The following AKAP13 variants were observed in gnomAD, a reference collection of about 807,000 sequenced individuals.
The protein encoded by AKAP13 is A-kinase anchoring protein 13.
A neutral mutation model predicts 264.5 loss-of-function variants in AKAP13; 80 were observed. The observed-to-expected ratio is 0.30, with a 90% CI of 0.25 to 0.36. The LOEUF (loss-of-function observed/expected upper bound fraction) is 0.36, where lower values mean the gene tolerates loss of function less well. AKAP13 is among the 10% of genes least tolerant of loss of function. The probability of loss-of-function intolerance (pLI) is 1.00; values close to 1 mark genes in which losing one functional copy is unlikely to be tolerated. For synonymous variants in AKAP13, 1,380 were observed against 1,250.2 expected, an observed-to-expected ratio of 1.10 and a Z score of -2.19; for missense variants, 3,712 against 3,435.2, an observed-to-expected ratio of 1.08 and a Z score of -2.01.
intron 14 of AKAP13, 117 bp from the exon 15 acceptor site, chr15:85,682,041 T>C: frequency 1.1e-6 from 1 of 899,486 alleles, no homozygotes; most frequent in Non-Finnish European, 1.8e-6. Flanking sequence ...AGGTACCATG[T>C]GCTGACTTTC....
intron 35 of AKAP13, among the ~76,000 whole-genome samples, chr15:85,742,576 T>C (rs972738256): frequency 6.6e-6 from 1 of 152,230 alleles, no homozygotes; most frequent in Non-Finnish European, 1.5e-5. Flanking sequence ...AGTTCCTGAT[T>C]TGCCTCTCTA....
chr15:85,647,023 T>C (rs2082589973), intron 10 of AKAP13, among the ~76,000 whole-genome samples: 1 of 152,234 alleles, frequency 6.6e-6, no homozygotes, highest in Admixed American at 6.5e-5. Flanking sequence ...TCTAGTTTTA[T>C]AATGAGCTCG....
intron 2 of AKAP13, among the ~76,000 whole-genome samples, chr15:85,504,647 G>A (rs111421024): frequency 4.2e-5 from 6 of 141,890 alleles, no homozygotes; most frequent in Non-Finnish European, 6.0e-5. Context: ...AGCCATGGTC[G>A]CACCACTGTA....
chr15:85,719,990 C>T (rs566106897), intron 23 of AKAP13, among the ~76,000 whole-genome samples: 15 of 151,878 alleles, frequency 9.9e-5, no homozygotes, highest in African/African-American at 2.7e-4. Flanking sequence ...CCCAACAGTT[C>T]GGGAGGCTGA....
intron 3 of AKAP13, among the ~76,000 whole-genome samples, chr15:85,529,189 A>G (rs958132595): frequency 2.6e-5 from 4 of 152,184 alleles, no homozygotes; most frequent in African/African-American, 9.7e-5. Flanking sequence ...TGGGAGGCCT[A>G]GGCGGGCGGA....
intron 2 of AKAP13, among the ~76,000 whole-genome samples, chr15:85,486,340 A>G (rs1437330393): frequency 6.6e-6 from 1 of 152,104 alleles, no homozygotes; most frequent in Admixed American, 6.5e-5. Flanking sequence ...AAAGTCACAG[A>G]GATTTATTCC....
chr15:85,619,991 C>T lies in AKAP13; in HGVS notation c.4162-19383C>T, dbSNP rs191657949. ...TCTGGAAGGCAGAGATCTCCACCACCTAACCGTGAGAAATTTGGAACTAAG... is the reference window on the plus strand; with the variant it reads ...TCTGGAAGGCAGAGATCTCCACCACTTAACCGTGAGAAATTTGGAACTAAG... On this transcript the variant is annotated intron_variant, in intron 8 of 36. Transcript: ENST00000394518. 2.8e-5 allele frequency: 42 copies of T among 1,504,554 alleles called. No individual in the cohort carries two copies. In the African/African-American group the frequency reaches 4.8e-4, roughly 17 times the overall value. 93.2% of individuals were successfully genotyped at this position (1,504,554 alleles called of 1,614,324 possible). A position where few individuals can be genotyped will look rare whatever the true frequency, so the allele number is the denominator to read the frequency against.
chr15:85,742,846 A>G (rs2089136630), intron 35 of AKAP13, among the ~76,000 whole-genome samples: 2 of 152,128 alleles, frequency 1.3e-5, no homozygotes, highest in Non-Finnish European at 2.9e-5. Flanking sequence ...GGTAGGGGGC[A>G]GTTGTAGCTT....
At chr15:85,668,958 C>A (rs1226323956) in intron 13 of AKAP13, among the ~76,000 whole-genome samples, 2 of 151,930 alleles carry the variant, frequency 1.3e-5, no homozygotes, top group African/African-American at 4.8e-5. Context: ...TAAAAATAGG[C>A]TGGGTGCGGT....
At chr15:85,452,222 T>G (rs899861760) in intron 1 of AKAP13, among the ~76,000 whole-genome samples, 23 of 149,978 alleles carry the variant, frequency 1.5e-4, no homozygotes, top group Non-Finnish European at 3.4e-4. Context: ...CCTTAGGGTT[T>G]TTTTTTTTTT....
In AKAP13 at chr15:85,669,842, A is replaced by G. The variant is rs760996494; in HGVS notation, c.5101+12A>G. ...TCCTGGATTGGACAGTGAGTATACT[A>G]CTTTTTAAAAAAATTAAATATATTA... On this transcript the variant is annotated intron_variant, in intron 14 of 36. Coordinates refer to ENST00000394518, the MANE Select transcript of AKAP13 (RefSeq NM_007200.5). 3 of 1,549,266 alleles carry G rather than the reference A, an allele frequency of 1.9e-6. No individual in the cohort carries two copies. Among genetic ancestry groups the G allele is most frequent in the East Asian group, 2.3e-5 (1 of 44,246 alleles).
At chr15:85,594,404 G>T (rs1252975051) in intron 8 of AKAP13, among the ~76,000 whole-genome samples, 1 of 152,274 alleles carries the variant, frequency 6.6e-6, no homozygotes, top group East Asian at 1.9e-4. Flanking sequence ...AAACATATAG[G>T]TGCTTGTGAA....
intron 1 of AKAP13, among the ~76,000 whole-genome samples, chr15:85,386,231 A>G (rs920945336): frequency 6.6e-6 from 1 of 152,048 alleles, no homozygotes; most frequent in Non-Finnish European, 1.5e-5. Flanking sequence ...TGCTTTTGGT[A>G]TAATAGTTTA....
chr15:85,520,412 C>T (rs950994503), intron 2 of AKAP13, among the ~76,000 whole-genome samples: 4 of 147,818 alleles, frequency 2.7e-5, no homozygotes, highest in Middle Eastern at 3.2e-3. Flanking sequence ...ACATGAGGAT[C>T]GCTTGAACCT....
intron 2 of AKAP13, among the ~76,000 whole-genome samples, chr15:85,520,103 C>T (rs544493489): frequency 1.4e-4 from 21 of 151,734 alleles, no homozygotes; most frequent in African/African-American, 4.6e-4. Context: ...TTATATAGTT[C>T]GTAATTGGGA....
chr15:85,652,931 A>G (rs986321621), intron 10 of AKAP13, among the ~76,000 whole-genome samples: 1 of 152,112 alleles, frequency 6.6e-6, no homozygotes, highest in East Asian at 1.9e-4. Context: ...GTATAACCTC[A>G]TCTTAACTAA....
At position 85,741,117 on chromosome 15, in the gene AKAP13, C is replaced by T; in HGVS notation, c.7680C>T (p.Arg2560=). ...KLVLSERALT[R]SLSRPSSLIE... ...TGCTGAGCGAGAGGGCGCTCACTCG[C>T]AGCTTGTCCCGCCCGAGCTCCCTCA... Residue 2560 remains arginine, a synonymous_variant, in exon 35 of 37, where the codon CGC becomes CGT. Transcript: ENST00000394518. 15 of 1,613,694 alleles carry T rather than the reference C, an allele frequency of 9.3e-6. No homozygotes were observed. The highest frequency in any genetic ancestry group is 1.2e-5 in the Non-Finnish European group (14 of 1,179,870).
At chr15:85,677,187 T>G in intron 14 of AKAP13, 4 of 956,390 alleles carry the variant, frequency 4.2e-6, no homozygotes, top group Non-Finnish European at 3.7e-6. Flanking sequence ...AGAAATTGTA[T>G]GGGGGCTTTT....
At chr15:85,428,457 C>T (rs563779839) in intron 1 of AKAP13, among the ~76,000 whole-genome samples, 3 of 152,352 alleles carry the variant, frequency 2.0e-5, no homozygotes, top group Admixed American at 2.0e-4. Context: ...CCTCGGCCTC[C>T]CAAAGTGCTG....
Sources: allele counts gnomAD v4.1 joint callset (sites outside exome capture counted in the v4.1 genomes callset), GRCh38; gene constraint gnomAD v4.1.1; transcripts MANE v1.5; gene names NCBI Gene and HGNC (gene_info 2026-07-23, HGNC 2026-07-21).